The following JAZF1 variants were observed in gnomAD, a reference collection of about 807,000 sequenced individuals.
JAZF1 encodes the protein JAZF zinc finger 1.
A neutral mutation model predicts 26.4 loss-of-function variants in JAZF1; 8 were observed. That is an observed-to-expected ratio of 0.30 (90% confidence interval 0.18 to 0.55). The LOEUF (loss-of-function observed/expected upper bound fraction) is 0.55. Among genes scored for constraint, JAZF1 ranks in the 20% least tolerant of loss-of-function variants. JAZF1 has a pLI of 0.94. For synonymous variants in JAZF1, 126 were observed against 122.3 expected (o/e 1.03, Z -0.20); for missense variants, 199 against 322.0 (o/e 0.62, Z 2.92).
chr7:27,974,148 T>C (rs1487305760), intron 2 of JAZF1, among the ~76,000 whole-genome samples: 1 of 151,938 alleles, frequency 6.6e-6, no homozygotes, highest in Admixed American at 6.6e-5. Flanking sequence ...GGCCTGGCAC[T>C]AGATGAGCTG....
At chr7:28,134,495 T>C (rs1212005803) in intron 1 of JAZF1, among the ~76,000 whole-genome samples, 2 of 149,004 alleles carry the variant, frequency 1.3e-5, no homozygotes, top group Admixed American at 6.7e-5. Context: ...TAATTTTTCA[T>C]AGAGACTGGA....
intron 1 of JAZF1, among the ~76,000 whole-genome samples, chr7:28,156,765 G>A (rs933426492): frequency 6.6e-6 from 1 of 152,074 alleles, no homozygotes; most frequent in African/African-American, 2.4e-5. Flanking sequence ...GACCACTCTT[G>A]GAGACCACTG....
chr7:27,859,383 C>G (rs1004572033), intron 3 of JAZF1, among the ~76,000 whole-genome samples: 1 of 152,178 alleles, frequency 6.6e-6, no homozygotes, highest in Non-Finnish European at 1.5e-5. Context: ...GGTATATACT[C>G]AAAGGATTAT....
intron 2 of JAZF1, among the ~76,000 whole-genome samples, chr7:27,972,825 G>A (rs1210291878): frequency 1.3e-5 from 2 of 151,650 alleles, no homozygotes; most frequent in African/African-American, 2.4e-5. Flanking sequence ...CAAAAGATAA[G>A]TGTGTGGGGG....
chr7:27,886,867 T>C (rs78593772), intron 3 of JAZF1, among the ~76,000 whole-genome samples: 4,724 of 152,260 alleles, frequency 0.031, 111 homozygotes, highest in Non-Finnish European at 0.048. Flanking sequence ...CCATCAATGA[T>C]AGACTGGATA....
chr7:27,937,192 G>A (rs748664601), intron 2 of JAZF1, among the ~76,000 whole-genome samples: 2 of 152,164 alleles, frequency 1.3e-5, no homozygotes, highest in African/African-American at 2.4e-5. Flanking sequence ...GCATTATGAA[G>A]AGAGCTCTTA....
At chr7:27,907,862 C>T (rs1008406970) in intron 2 of JAZF1, among the ~76,000 whole-genome samples, 1 of 152,214 alleles carries the variant, frequency 6.6e-6, no homozygotes, top group Non-Finnish European at 1.5e-5. Context: ...CTTGCCTGTG[C>T]TGCTTTGGGA....
At chr7:27,936,386 T>C (rs1266982282) in intron 2 of JAZF1, among the ~76,000 whole-genome samples, 4 of 152,224 alleles carry the variant, frequency 2.6e-5, no homozygotes, top group African/African-American at 9.7e-5. Context: ...GAATCCAGAC[T>C]GGCCAACTCT....
chr7:27,873,415 G>A (rs1783619892), intron 3 of JAZF1, among the ~76,000 whole-genome samples: 1 of 152,138 alleles, frequency 6.6e-6, no homozygotes, highest in East Asian at 1.9e-4. Flanking sequence ...GGCATTTAAG[G>A]TCCTTATATC....
intron 1 of JAZF1, among the ~76,000 whole-genome samples, chr7:28,104,610 T>TGTG (rs1784522870): frequency 6.6e-6 from 1 of 152,212 alleles, no homozygotes. Flanking sequence ...TTCTGCCAGA[T>TGTG]GTGGCCTTAT....
At chr7:28,134,126 C>A (rs1007475286) in intron 1 of JAZF1, among the ~76,000 whole-genome samples, 3 of 152,316 alleles carry the variant, frequency 2.0e-5, no homozygotes, top group South Asian at 2.1e-4. Flanking sequence ...GGGTACTGAG[C>A]ACTCCATGCA....
intron 3 of JAZF1, among the ~76,000 whole-genome samples, chr7:27,851,693 C>CA (rs1300659338): frequency 6.6e-6 from 1 of 151,972 alleles, no homozygotes; most frequent in Non-Finnish European, 1.5e-5. Flanking sequence ...TCCTAAAAAA[C>CA]AAAAAAATGC....
chr7:28,095,723 C>T (rs1474307208), intron 1 of JAZF1, among the ~76,000 whole-genome samples: 1 of 152,180 alleles, frequency 6.6e-6, no homozygotes, highest in Non-Finnish European at 1.5e-5. Flanking sequence ...CGCTGAACGT[C>T]AAATCCCTGT....
At chr7:28,179,847 C>T (rs1172869332) in intron 1 of JAZF1, among the ~76,000 whole-genome samples, 1 of 146,744 alleles carries the variant, frequency 6.8e-6, no homozygotes, top group East Asian at 2.0e-4. Flanking sequence ...CCGGCGCTGA[C>T]AGGACGCAGT....
chr7:27,879,140 AGTT>A (rs1347529634), intron 3 of JAZF1, among the ~76,000 whole-genome samples: 25 of 152,322 alleles, frequency 1.6e-4, no homozygotes, highest in African/African-American at 5.8e-4. Flanking sequence ...CACGCATTTT[AGTT>A]GTTTTCTCAT....
chr7:27,988,285 A>T (rs1263456332), intron 2 of JAZF1, among the ~76,000 whole-genome samples: 1 of 151,970 alleles, frequency 6.6e-6, no homozygotes, highest in Non-Finnish European at 1.5e-5. Flanking sequence ...GGTTAGGTCT[A>T]TTTTTTAGCA....
intron 3 of JAZF1, among the ~76,000 whole-genome samples, chr7:27,869,689 T>A (rs1309929506): frequency 1.3e-5 from 2 of 152,216 alleles, no homozygotes; most frequent in South Asian, 4.1e-4. Context: ...ACTCGTAATG[T>A]GCAGTAGGAA....
intron 1 of JAZF1, among the ~76,000 whole-genome samples, chr7:28,099,998 G>A (rs1784447568): frequency 6.6e-6 from 1 of 152,138 alleles, no homozygotes. Flanking sequence ...TAATGGTCCT[G>A]ATTATATATA....
At chr7:28,041,490 A>G (rs1219074537) in intron 1 of JAZF1, among the ~76,000 whole-genome samples, 1 of 152,216 alleles carries the variant, frequency 6.6e-6, no homozygotes, top group Non-Finnish European at 1.5e-5. Flanking sequence ...ACAGAATTCC[A>G]TGGCCACATC....
Sources: gnomAD v4.1 joint callset for allele counts (sites outside exome capture counted in the v4.1 genomes callset) on GRCh38, gnomAD v4.1.1 for gene constraint, MANE v1.5 for transcripts, NCBI Gene and HGNC (gene_info 2026-07-23, HGNC 2026-07-21) for gene names.